Variants in GCN1 observed in about 807,000 individuals in gnomAD.
GCN1 encodes the protein GCN1 activator of EIF2AK4.
Under a neutral mutation model 288.4 loss-of-function variants are expected in GCN1, and 90 were observed. The ratio of observed to expected loss-of-function variants is 0.31; its 90% CI spans 0.26 to 0.37. GCN1 has a LOEUF of 0.37. Among genes scored for constraint, GCN1 ranks in the 10% least tolerant of loss-of-function variants. The pLI, the probability that GCN1 is intolerant of heterozygous loss-of-function variation, is 1.00. For synonymous variants in GCN1, 1,386 were observed against 1,420.2 expected (o/e 0.98, Z 0.54); for missense variants, 2,586 against 3,419.9 (o/e 0.76, Z 6.08).
At chr12:120,143,018 G>A (rs1877248482) in intron 42 of GCN1, 77 bp from the exon 43 acceptor site, 1 of 812,402 alleles carries the variant, frequency 1.2e-6, no homozygotes, top group South Asian at 1.5e-5. Flanking sequence ...CACAGAAGAT[G>A]GAAAGAAGTG....
At position 120,144,303 on chromosome 12, in the gene GCN1, C is replaced by G; in HGVS notation, c.5495+3G>C. ...CACTGGGTCTTTCTGCCCAAGTTCT[C>G]ACCTGATTCTCCAAAGGTCATCAAA... On this transcript the variant is annotated splice_donor_region_variant and intron_variant, in intron 42 of 57. Coordinates refer to ENST00000300648, the MANE Select transcript of GCN1 (RefSeq NM_006836.2). The surrounding 1 kb of genome is among the most constrained non-coding windows in gnomAD (Gnocchi z 4.7). 1 of 1,614,226 alleles carries G rather than the reference C, an allele frequency of 6.2e-7. No individual in the cohort carries two copies. Among genetic ancestry groups the G allele is most frequent in the Admixed American group, 1.7e-5 (1 of 60,024 alleles).
chr12:120,174,569 C>T (rs1668706576), intron 12 of GCN1, among the ~76,000 whole-genome samples: 1 of 149,976 alleles, frequency 6.7e-6, no homozygotes, highest in South Asian at 2.1e-4. Context: ...GAGGCAGGTG[C>T]ATCATGAGGT....
chr12:120,157,956 G>A lies in GCN1; in HGVS notation c.2980C>T (p.His994Tyr), dbSNP rs761781373. ...FLKMVLTEMP[H>Y]HSEEEEEWMA... The stretch of plus-strand genomic sequence containing the variant: ...CACTCCTCCTCCTCCTCACTGTGGT[G>A]GGGCATCTCCGTCAGCACCATCTTC... The change falls in exon 26 of 58, where the codon CAC becomes TAC. Residue 994 changes from histidine to tyrosine, a missense_variant. By Grantham distance (83) the His-to-Tyr change is moderately conservative. This residue lies in a region of GCN1 where 153 missense variants were observed against 252.0 expected (regional missense o/e 0.61). Coordinates refer to ENST00000300648, the MANE Select transcript of GCN1 (RefSeq NM_006836.2). 8.7e-6 allele frequency: 14 copies of A among 1,613,874 alleles called. No homozygotes were observed. Among genetic ancestry groups the A allele is most frequent in the Middle Eastern group, 1.6e-4 (1 of 6,084 alleles).
Position 120,184,207 on chromosome 12 carries a change from G to T in GCN1, c.222C>A (p.Ile74=). 1 of 1,613,952 alleles carries T rather than the reference G, an allele frequency of 6.2e-7. No individual in the cohort carries two copies. Among genetic ancestry groups the T allele is most frequent in the Non-Finnish European group, 8.5e-7 (1 of 1,179,920 alleles). ...CTGGCTGGGCCTCAGCCAACTGCTG[G>T]ATGGCTGCCTGCAAGGCCCTGCGGG... ...AASRRALQAA[I]QQLAEAQPEA... The change falls in exon 4 of 58, where the codon ATC becomes ATA. Residue 74 remains isoleucine (I), a synonymous_variant. Transcript: ENST00000300648.
intron 5 of GCN1, among the ~76,000 whole-genome samples, chr12:120,182,946 A>C (rs895108424): frequency 2.6e-5 from 4 of 151,386 alleles, no homozygotes; most frequent in Admixed American, 2.0e-4. Context: ...AAAAAAAAAA[A>C]AAAAAACTAC....
chr12:120,168,347 C>A (rs1181131182), intron 15 of GCN1, 47 bp from the exon 16 acceptor site: 9 of 1,124,694 alleles, frequency 8.0e-6, no homozygotes, highest in Non-Finnish European at 1.2e-5. Context: ...ACCACATCCC[C>A]CAGAGCTGAT....
At chr12:120,131,760 A>C (rs562509046) in intron 54 of GCN1, among the ~76,000 whole-genome samples, 166 bp downstream of exon 54, 1 of 152,280 alleles carries the variant, frequency 6.6e-6, no homozygotes, top group Admixed American at 6.5e-5. Flanking sequence ...ACTACAGGTG[A>C]GTGCCACCAC....
intron 44 of GCN1, among the ~76,000 whole-genome samples, chr12:120,141,811 G>T (rs999629558): frequency 6.6e-6 from 1 of 152,108 alleles, no homozygotes; most frequent in East Asian, 1.9e-4. Flanking sequence ...ACTAACACAG[G>T]CCCATCCCTC....
At position 120,134,255 on chromosome 12, in the gene GCN1, G is replaced by A. The variant is rs769274371; in HGVS notation, c.7317+36C>T. The stretch of plus-strand genomic sequence containing the variant: ...CTAAGGAGGAGGAGGGAAACCAGTG[G>A]TCCAGTGCTGCCACTAGTCCTGCCT... On this transcript the variant is annotated intron_variant, in intron 53 of 57. Coordinates refer to ENST00000300648, the MANE Select transcript of GCN1 (RefSeq NM_006836.2). The surrounding 1 kb of genome is among the most constrained non-coding windows in gnomAD (Gnocchi z 5.0). 1 of 1,400,624 alleles carries A rather than the reference G, an allele frequency of 7.1e-7. No individual in the cohort carries two copies. Among genetic ancestry groups the A allele is most frequent in the Non-Finnish European group, 1.0e-6 (1 of 986,102 alleles). 86.8% of individuals were successfully genotyped at this position (1,400,624 alleles called of 1,614,324 possible). A position where few individuals can be genotyped will look rare whatever the true frequency, so the allele number is the denominator to read the frequency against.
At chr12:120,152,458 G>A (rs1172665229) in intron 33 of GCN1, among the ~76,000 whole-genome samples, 2 of 131,136 alleles carry the variant, frequency 1.5e-5, no homozygotes, top group East Asian at 2.1e-4. Flanking sequence ...ATATACATGC[G>A]TGTTTTTCAA....
In GCN1 at chr12:120,175,862, G is replaced by A. The variant is rs1878466963; in HGVS notation, c.926C>T (p.Ser309Phe). The A allele has an allele frequency of 6.2e-7, 1 of 1,608,968 alleles. No homozygotes were observed. Among genetic ancestry groups the A allele is most frequent in the African/African-American group, 1.3e-5 (1 of 74,622 alleles). ...IVKGLAGHLKSNSPRLMDEAV... is the reference protein window; with the variant it reads ...IVKGLAGHLKFNSPRLMDEAV... ...TTCATCCATCAGGCGGGGACTGTTG[G>A]ATTTCAGGTGACCTGCACACACAAA... The change falls in exon 11 of 58, where the codon TCC becomes TTC. Residue 309 changes from serine to phenylalanine, a missense_variant. Around this residue, in one of 8 missense-constraint regions of GCN1, gnomAD observed 913 missense variants for 1,107.0 expected, o/e 0.82. Coordinates refer to ENST00000300648, the MANE Select transcript of GCN1 (RefSeq NM_006836.2).
intron 2 of GCN1, among the ~76,000 whole-genome samples, chr12:120,185,735 A>G (rs1878800817): frequency 6.6e-6 from 1 of 152,020 alleles, no homozygotes; most frequent in Non-Finnish European, 1.5e-5. Context: ...TGAGTAGCTG[A>G]GACTAAAGGT....
rs575989695 is a variant in GCN1 at position 120,151,492 on chromosome 12, C to T, written c.4063-101G>A. ...TACACAGCACCCACCACTAGATGTCCCAAGCCCCATCTCAGCCACTGCCTG... is the reference window on the plus strand; with the variant it reads ...TACACAGCACCCACCACTAGATGTCTCAAGCCCCATCTCAGCCACTGCCTG... On this transcript the variant is annotated intron_variant, in intron 33 of 57. Coordinates refer to ENST00000300648, the MANE Select transcript of GCN1 (RefSeq NM_006836.2). The T allele has an allele frequency of 3.5e-5, 44 of 1,257,654 alleles. 1 individual carries two copies. Among genetic ancestry groups the T allele is most frequent in the Non-Finnish European group, 4.8e-5 (43 of 904,428 alleles). 77.9% of individuals were successfully genotyped at this position (1,257,654 alleles called of 1,614,324 possible).
Position 120,147,157 on chromosome 12 carries a change from G to C in GCN1, c.4842C>G (p.Ala1614=), listed in dbSNP as rs766475634. The change falls in exon 38 of 58, where the codon GCC becomes GCG. Residue 1614 remains alanine, a synonymous_variant. Transcript: ENST00000300648. ...CTCTCTGGACAATGGGCATGATGAG[G>C]GCCAGGGATGGGGCATCAATGAAGT... ...FVHFIDAPSL[A]LIMPIVQRAF... is the part of the protein sequence containing the mutation. 4.3e-6 allele frequency: 7 copies of C among 1,612,978 alleles called. No homozygotes were observed. Among genetic ancestry groups the C allele is most frequent in the Non-Finnish European group, 5.9e-6 (7 of 1,179,256 alleles).
chr12:120,145,594 G>A (rs1877338775), intron 38 of GCN1, among the ~76,000 whole-genome samples: 1 of 152,188 alleles, frequency 6.6e-6, no homozygotes, highest in Non-Finnish European at 1.5e-5. Context: ...CAATGCTCTT[G>A]CACCTCCCAC....
In GCN1 at chr12:120,147,241, C is replaced by T. The variant is rs1467297765; in HGVS notation, c.4758G>A (p.Thr1586=). ...AIAPVLLDAL[T]DPSRKTQKCL... is the part of the protein sequence containing the mutation. Reference sequence around the variant, plus strand: ...ACTTCTGGGTCTTCCTGGAGGGATCCGTCAGGGCATCCAGGAGGACTGGAG... The same window carrying T: ...ACTTCTGGGTCTTCCTGGAGGGATCTGTCAGGGCATCCAGGAGGACTGGAG... Residue 1586 remains threonine, a synonymous_variant, in exon 38 of 58, where the codon ACG becomes ACA. Transcript: ENST00000300648. The T allele has an allele frequency of 2.3e-5, 37 of 1,606,476 alleles. No homozygotes were observed. The highest frequency in any genetic ancestry group is 3.4e-5 in the Admixed American group (2 of 59,584).
chr12:120,182,523 C>T (rs188018020), intron 5 of GCN1, among the ~76,000 whole-genome samples: 7 of 152,304 alleles, frequency 4.6e-5, no homozygotes, highest in East Asian at 3.9e-4. Context: ...CAACCCTCAA[C>T]GAAACCTGGC....
chr12:120,153,062 C>T lies in GCN1; in HGVS notation c.4062+151G>A. 3.1e-6 allele frequency: 2 copies of T among 637,654 alleles called. No individual in the cohort carries two copies. 39.5% of individuals were successfully genotyped at this position (637,654 alleles called of 1,614,324 possible). A position where few individuals can be genotyped will look rare whatever the true frequency, so the allele number is the denominator to read the frequency against. ...GGAGTGTTCCTGACTATAAACCAGG[C>T]TCTCCCCTGCGAGAGGGGGTGAATC... On this transcript the variant is annotated intron_variant, in intron 33 of 57. Coordinates refer to ENST00000300648, the MANE Select transcript of GCN1 (RefSeq NM_006836.2). The surrounding 1 kb of genome is among the most constrained non-coding windows in gnomAD (Gnocchi z 4.4).
In GCN1 at chr12:120,174,072, T is replaced by C; in HGVS notation, c.1191A>G (p.Glu397=). ...AELFIPFLQQ[E]VHEGTLVHAV... is the part of the protein sequence containing the mutation. ...GCTCACCATGTTGCACAGAATTACC[T>C]TCCTGCTGAAGGAACGGGATGAACA... The change falls in exon 13 of 58, where the codon GAA becomes GAG. Residue 397 remains glutamate, a splice_region_variant and synonymous_variant. Coordinates refer to ENST00000300648, the MANE Select transcript of GCN1 (RefSeq NM_006836.2). 2 of 1,569,220 alleles carry C rather than the reference T, an allele frequency of 1.3e-6. No homozygotes were observed. The highest frequency in any genetic ancestry group is 1.8e-6 in the Non-Finnish European group (2 of 1,139,022).
Sources: allele counts gnomAD v4.1 joint callset (sites outside exome capture counted in the v4.1 genomes callset), GRCh38; gene constraint gnomAD v4.1.1; regional missense constraint gnomAD v4.1.1; non-coding constraint Gnocchi (gnomAD v3.1); transcripts MANE v1.5; gene names NCBI Gene and HGNC (gene_info 2026-07-23, HGNC 2026-07-21).